The following ARID3B variants were observed in gnomAD, a reference collection of about 807,000 sequenced individuals.
The protein encoded by ARID3B is AT-rich interactive domain-containing protein 3B.
A neutral mutation model predicts 51.9 loss-of-function variants in ARID3B; 10 were observed. The ratio of observed to expected loss-of-function variants is 0.19; its 90% CI spans 0.12 to 0.33. The LOEUF (loss-of-function observed/expected upper bound fraction) is 0.33. Ranked by LOEUF, ARID3B falls within the 10% of genes least tolerant of loss-of-function variation. The pLI, the probability that ARID3B is intolerant of heterozygous loss-of-function variation, is 1.00. For missense variants in ARID3B, 483 were observed against 716.3 expected, an observed-to-expected ratio of 0.67 and a Z score of 3.72; for synonymous variants, 205 against 279.5, an observed-to-expected ratio of 0.73 and a Z score of 2.66.
rs1316294682 is a variant in ARID3B at position 74,593,152 on chromosome 15, G to A, written c.1435G>A (p.Ala479Thr). 6.2e-7 allele frequency: 1 copy of A among 1,613,052 alleles called. No homozygotes were observed. Among genetic ancestry groups the A allele is most frequent in the East Asian group, 2.2e-5 (1 of 44,870 alleles). The part of the protein sequence containing the change: ...RINGREDRAE[A>T]SAAALNLTTS... Reference sequence around the variant, plus strand: ...GTCCCCAGCAGAAGACAGAGCAGAGGCCTCGGCTGCAGCACTGAACCTGAC... The same window carrying A: ...GTCCCCAGCAGAAGACAGAGCAGAGACCTCGGCTGCAGCACTGAACCTGAC... Residue 479 changes from alanine (A) to threonine (T), a missense_variant, in exon 8 of 9, where the codon GCC (alanine) becomes ACC (threonine). Transcript: ENST00000346246.
Position 74,591,453 on chromosome 15 carries a change from G to A in ARID3B, c.1165+19G>A, listed in dbSNP as rs2061802956. On this transcript the variant is annotated intron_variant, in intron 6 of 8. Transcript: ENST00000346246. This position sits in a 1 kb window ranked among gnomAD's most constrained non-coding sequence, Gnocchi z 5.8. The stretch of plus-strand genomic sequence containing the variant: ...AGGAAAGGTCAGCAGGGCTCCTGGG[G>A]GAGAAGGAAGAAAGGGAGGAAGGGA... The A allele has an allele frequency of 1.3e-6, 2 of 1,597,610 alleles. No individual in the cohort carries two copies. Among genetic ancestry groups the A allele is most frequent in the African/African-American group, 1.3e-5 (1 of 74,622 alleles).
intron 2 of ARID3B, among the ~76,000 whole-genome samples, chr15:74,555,833 C>T (rs901730420): frequency 5.6e-5 from 8 of 141,834 alleles, no homozygotes; most frequent in Non-Finnish European, 1.1e-4. Flanking sequence ...ACCTTGTTGC[C>T]CAGGCTGGAG....
intron 2 of ARID3B, among the ~76,000 whole-genome samples, chr15:74,558,108 A>G (rs1567118043): frequency 1.3e-5 from 2 of 150,662 alleles, no homozygotes; most frequent in East Asian, 3.9e-4. Flanking sequence ...GGCGTGAGCC[A>G]CGCGCCCGGC....
intron 2 of ARID3B, among the ~76,000 whole-genome samples, chr15:74,553,928 A>G (rs2141450089): frequency 6.6e-6 from 1 of 151,732 alleles, no homozygotes; most frequent in East Asian, 2.0e-4. Context: ...GGTTCAAGAG[A>G]TTCTCCTGCC....
chr15:74,579,091 C>T (rs548217320), intron 4 of ARID3B, among the ~76,000 whole-genome samples: 1 of 152,324 alleles, frequency 6.6e-6, no homozygotes, highest in South Asian at 2.1e-4. Flanking sequence ...AGCAGGCCGC[C>T]CCGAATGACC....
At chr15:74,560,245 A>G (rs529101465) in intron 2 of ARID3B, among the ~76,000 whole-genome samples, 16 of 151,942 alleles carry the variant, frequency 1.1e-4, no homozygotes, top group African/African-American at 3.6e-4. Context: ...CTTAACTTTT[A>G]TCACCTAACA....
chr15:74,589,686 G>A (rs2061796147), intron 4 of ARID3B, 134 bp from the exon 5 acceptor site: 1 of 931,106 alleles, frequency 1.1e-6, no homozygotes, highest in Admixed American at 2.6e-5. Flanking sequence ...TCAGGCTTGG[G>A]GAGTTTGAGT....
chr15:74,547,521 C>T (rs979731735), intron 2 of ARID3B, among the ~76,000 whole-genome samples: 2 of 152,130 alleles, frequency 1.3e-5, no homozygotes, highest in African/African-American at 2.4e-5. Flanking sequence ...CAGTGTCCAT[C>T]TTGTTCTTTT....
intron 5 of ARID3B, 116 bp downstream of exon 5, chr15:74,590,119 C>T (rs907621667): frequency 8.9e-6 from 11 of 1,233,648 alleles, no homozygotes; most frequent in East Asian, 2.6e-5. Context: ...AGTGGATTCC[C>T]GAAACAGTGG....
intron 4 of ARID3B, among the ~76,000 whole-genome samples, chr15:74,583,456 G>T (rs1367908747): frequency 6.6e-6 from 1 of 151,886 alleles, no homozygotes; most frequent in South Asian, 2.1e-4. Context: ...GGTGGCTCAC[G>T]GCAGTCATCC....
intron 2 of ARID3B, among the ~76,000 whole-genome samples, chr15:74,561,106 A>G (rs1207963120): frequency 6.6e-6 from 1 of 152,118 alleles, no homozygotes; most frequent in Non-Finnish European, 1.5e-5. Flanking sequence ...TTTCAACTTG[A>G]TGTGTGGTTC....
chr15:74,554,769 T>C (rs1358719751), intron 2 of ARID3B, among the ~76,000 whole-genome samples: 3 of 152,250 alleles, frequency 2.0e-5, no homozygotes, highest in Non-Finnish European at 4.4e-5. Flanking sequence ...TTTTAGATTG[T>C]AATTTATATT....
At chr15:74,572,618 C>A (rs2061722998) in intron 2 of ARID3B, among the ~76,000 whole-genome samples, 1 of 151,650 alleles carries the variant, frequency 6.6e-6, no homozygotes, top group Non-Finnish European at 1.5e-5. Context: ...CCTTCTCCAA[C>A]AAATGGAGAT....
chr15:74,595,909 C>G lies in ARID3B; in HGVS notation c.*135C>G. On this transcript the variant is annotated 3_prime_UTR_variant, in exon 9 of 9. Coordinates refer to ENST00000346246, the MANE Select transcript of ARID3B (RefSeq NM_006465.4). ...CAGACATTGAGAGTTTGGACGTGTC[C>G]GTCTGTCCAGGCTCCATTCAGGTCC... 1.0e-6 allele frequency: 1 copy of G among 980,084 alleles called. No homozygotes were observed. Among genetic ancestry groups the G allele is most frequent in the South Asian group, 1.7e-5 (1 of 57,436 alleles). 60.7% of individuals were successfully genotyped at this position (980,084 alleles called of 1,614,324 possible).
chr15:74,572,811 A>C, intron 2 of ARID3B, 51 bp from the exon 3 acceptor site: 1 of 1,574,860 alleles, frequency 6.3e-7, no homozygotes, highest in Non-Finnish European at 8.7e-7. Context: ...CTCTGTCCTA[A>C]CTCTTTCTCT....
chr15:74,595,046 C>T (rs1481397583), intron 8 of ARID3B, among the ~76,000 whole-genome samples: 1 of 152,178 alleles, frequency 6.6e-6, no homozygotes, highest in Non-Finnish European at 1.5e-5. Flanking sequence ...AAACCCCTGA[C>T]AAGAAGGGAG....
chr15:74,595,516 C>T, intron 8 of ARID3B, 95 bp from the exon 9 acceptor site: 1 of 1,411,978 alleles, frequency 7.1e-7, no homozygotes, highest in Non-Finnish European at 9.6e-7. Context: ...CGGAGTCAGG[C>T]ACAGGCTAGG....
At chr15:74,590,601 C>A (rs896946390) in intron 5 of ARID3B, among the ~76,000 whole-genome samples, 7 of 152,192 alleles carry the variant, frequency 4.6e-5, no homozygotes, top group Non-Finnish European at 8.8e-5. Context: ...AGAGAGGAAT[C>A]TTTTCTTCTG....
intron 2 of ARID3B, among the ~76,000 whole-genome samples, chr15:74,564,116 C>T (rs1209753883): frequency 1.3e-5 from 2 of 152,224 alleles, no homozygotes; most frequent in East Asian, 1.9e-4. Flanking sequence ...AATTATAACT[C>T]TAGTGTTTCC....
Sources: allele counts gnomAD v4.1 joint callset (sites outside exome capture counted in the v4.1 genomes callset), GRCh38; gene constraint gnomAD v4.1.1; non-coding constraint Gnocchi (gnomAD v3.1); transcripts MANE v1.5; gene names NCBI Gene and HGNC (gene_info 2026-07-23, HGNC 2026-07-21).